The following C1orf141 variants were observed in gnomAD, a reference collection of about 807,000 sequenced individuals.
C1orf141 encodes the protein chromosome 1 open reading frame 141.
In C1orf141, 19 loss-of-function variants were observed where a neutral mutation model predicts 23.2. That is an observed-to-expected ratio of 0.82 (90% CI 0.57 to 1.20). The LOEUF is 1.20. C1orf141 is among the 50% of genes most tolerant of loss of function. The pLI, the probability that C1orf141 is intolerant of heterozygous loss-of-function variation, is 0.00. For missense variants in C1orf141, 469 were observed against 455.1 expected (o/e 1.03, Z -0.28); for synonymous variants, 153 against 154.6 (o/e 0.99, Z 0.08).
intron 4 of C1orf141, chr1:67,123,952 G>C (rs537596302): frequency 1.1e-4 from 17 of 152,264 alleles, no homozygotes; most frequent in Admixed American, 9.2e-4. Flanking sequence ...TAAGTACAAA[G>C]CACTACAATG....
chr1:67,134,845 AACG>A (rs1020739473), intron 1 of C1orf141, 82 bp downstream of exon 1: 7 of 152,308 alleles, frequency 4.6e-5, no homozygotes, highest in African/African-American at 9.7e-5. Flanking sequence ...GTTTATGTAA[AACG>A]ACGTTTTTCC....
At chr1:67,133,791 C>A (rs376319291) in intron 1 of C1orf141, among the ~76,000 whole-genome samples, 2 of 152,074 alleles carry the variant, frequency 1.3e-5, no homozygotes, top group South Asian at 2.1e-4. Flanking sequence ...AGGAGCGAGG[C>A]CTCTGAAGAA....
upstream of C1orf141, among the ~76,000 whole-genome samples, chr1:67,135,906 C>A (rs201546473): frequency 0.01 from 631 of 62,450 alleles, no homozygotes; most frequent in Middle Eastern, 0.017. Flanking sequence ...GGCAAAACTG[C>A]AAAAAAAAAA....
upstream of C1orf141, among the ~76,000 whole-genome samples, chr1:67,137,042 T>C (rs1646591755): frequency 6.6e-6 from 1 of 152,164 alleles, no homozygotes. Context: ...CTGTATACTA[T>C]AAGAAAACAA....
intron 7 of C1orf141, 176 bp downstream of exon 7, chr1:67,095,059 T>A (rs1014330867): frequency 1.4e-5 from 7 of 486,708 alleles, no homozygotes; most frequent in Non-Finnish European, 2.2e-5. Flanking sequence ...AAGGAATCCC[T>A]GGTTTGGGAG....
At chr1:67,138,425 C>G (rs1459515504), upstream of C1orf141, among the ~76,000 whole-genome samples, 1 of 152,202 alleles carries the variant, frequency 6.6e-6, no homozygotes, top group Admixed American at 6.5e-5. Flanking sequence ...ACTTCTGGCT[C>G]TTTGAAACAT....
At chr1:67,118,252 A>T (rs1360741054) in intron 4 of C1orf141, among the ~76,000 whole-genome samples, 1 of 152,212 alleles carries the variant, frequency 6.6e-6, no homozygotes. Context: ...TACTTGGAGC[A>T]AGAGATTCTT....
upstream of C1orf141, among the ~76,000 whole-genome samples, chr1:67,135,843 A>G (rs1199128482): frequency 5.3e-5 from 8 of 150,880 alleles, no homozygotes; most frequent in East Asian, 1.6e-3. Context: ...CTGTGAGAAG[A>G]AAAGGAAAAA....
chr1:67,136,577 G>T (rs1020626685), upstream of C1orf141, among the ~76,000 whole-genome samples: 1 of 152,162 alleles, frequency 6.6e-6, no homozygotes, highest in African/African-American at 2.4e-5. Flanking sequence ...TGAATCTTAT[G>T]AAATTCTTAG....
At chr1:67,128,420 T>C (rs1646458836) in intron 2 of C1orf141, among the ~76,000 whole-genome samples, 1 of 151,406 alleles carries the variant, frequency 6.6e-6, no homozygotes. Flanking sequence ...ATTGAGTAGA[T>C]GGGTCAGGCA....
intron 5 of C1orf141, among the ~76,000 whole-genome samples, chr1:67,105,113 G>A (rs1233005545): frequency 6.6e-6 from 1 of 152,020 alleles, no homozygotes. Flanking sequence ...GATCACCTGA[G>A]GTCAGGAGTT....
chr1:67,097,180 A>G (rs949824621), intron 5 of C1orf141, among the ~76,000 whole-genome samples: 3 of 152,154 alleles, frequency 2.0e-5, no homozygotes, highest in African/African-American at 7.2e-5. Flanking sequence ...GCAGTATACT[A>G]AGACCCCCAT....
upstream of C1orf141, among the ~76,000 whole-genome samples, chr1:67,138,537 GT>G (rs1324078939): frequency 6.6e-6 from 1 of 151,782 alleles, no homozygotes; most frequent in African/African-American, 2.4e-5. Flanking sequence ...TTGTGTGTGT[GT>G]TTTTTTTCTC....
intron 5 of C1orf141, among the ~76,000 whole-genome samples, chr1:67,106,905 T>C (rs772993942): frequency 1.1e-4 from 17 of 152,104 alleles, no homozygotes; most frequent in Non-Finnish European, 2.1e-4. Flanking sequence ...TTACTTAATA[T>C]GAAAAAATAG....
At chr1:67,139,070 G>A (rs769837352), upstream of C1orf141, 1 of 152,352 alleles carries the variant, frequency 6.6e-6, no homozygotes, top group Non-Finnish European at 1.5e-5. Context: ...GAAGAAAACT[G>A]AGAGCTGGAC....
chr1:67,093,816 A>C (rs1645607646), intron 7 of C1orf141: 1 of 317,544 alleles, frequency 3.1e-6, no homozygotes, highest in South Asian at 1.4e-4. Context: ...TAGAGATGTT[A>C]GTGATAAAAC....
At chr1:67,124,584 G>C (rs1318709365) in intron 4 of C1orf141, among the ~76,000 whole-genome samples, 1 of 152,166 alleles carries the variant, frequency 6.6e-6, no homozygotes, top group African/African-American at 2.4e-5. Context: ...CTCCCAATGT[G>C]TTAGGATTAC....
chr1:67,134,070 C>A (rs745357800), intron 1 of C1orf141, among the ~76,000 whole-genome samples: 8 of 152,202 alleles, frequency 5.3e-5, no homozygotes, highest in Non-Finnish European at 8.8e-5. Context: ...TGGCTGCGAT[C>A]TCAGCTCACT....
chr1:67,099,019 T>G (rs1048333202), intron 5 of C1orf141, among the ~76,000 whole-genome samples: 3 of 152,134 alleles, frequency 2.0e-5, no homozygotes, highest in South Asian at 2.1e-4. Flanking sequence ...TCTTGGACAT[T>G]TACCCAATAG....
Sources: allele counts gnomAD v4.1 joint callset (sites outside exome capture counted in the v4.1 genomes callset), GRCh38; gene constraint gnomAD v4.1.1; transcripts MANE v1.5; gene names NCBI Gene and HGNC (gene_info 2026-07-23, HGNC 2026-07-21).